Variants in TSHZ2 observed in about 807,000 individuals in gnomAD.
TSHZ2 encodes the protein teashirt zinc finger homeobox 2.
TSHZ2 carries 21 observed loss-of-function variants against 74.4 expected under a neutral mutation model. The observed-to-expected ratio is 0.28, with a 90% CI of 0.20 to 0.41. The LOEUF (loss-of-function observed/expected upper bound fraction) is 0.41. TSHZ2 is among the 10% of genes least tolerant of loss of function. The pLI is 1.00. For synonymous variants in TSHZ2, 540 were observed against 515.3 expected, an observed-to-expected ratio of 1.05 and a Z score of -0.65; for missense variants, 1,244 against 1,293.5, an observed-to-expected ratio of 0.96 and a Z score of 0.59.
chr20:53,204,555 C>T (rs2123589478), intron 1 of TSHZ2, among the ~76,000 whole-genome samples: 1 of 152,102 alleles, frequency 6.6e-6, no homozygotes, highest in Admixed American at 6.5e-5. Flanking sequence ...CCATGCATAG[C>T]TGACATTCTA....
At chr20:53,176,799 A>G (rs559999088) in intron 1 of TSHZ2, among the ~76,000 whole-genome samples, 3 of 149,130 alleles carry the variant, frequency 2.0e-5, no homozygotes, top group Non-Finnish European at 4.4e-5. Context: ...CGATCCTCCT[A>G]CCTCAGCCTC....
At chr20:53,473,837 G>T (rs1193031615) in intron 2 of TSHZ2, among the ~76,000 whole-genome samples, 1 of 152,192 alleles carries the variant, frequency 6.6e-6, no homozygotes, top group Non-Finnish European at 1.5e-5. Flanking sequence ...TGAAAACCAA[G>T]GCTGGAGAAC....
chr20:53,192,482 T>C (rs904597045), intron 1 of TSHZ2, among the ~76,000 whole-genome samples: 4 of 150,654 alleles, frequency 2.7e-5, no homozygotes, highest in Non-Finnish European at 5.9e-5. Context: ...GACTCCCTTG[T>C]GGGCATTTGG....
intron 1 of TSHZ2, among the ~76,000 whole-genome samples, chr20:53,228,358 A>C (rs1600754286): frequency 6.6e-6 from 1 of 152,194 alleles, no homozygotes; most frequent in East Asian, 1.9e-4. Context: ...TAGAGCTCAC[A>C]GTTATTCCTG....
At position 53,255,331 on chromosome 20, in the gene TSHZ2, T is replaced by C. The variant is rs1383813740; in HGVS notation, c.1873T>C (p.Ser625Pro). The C allele has an allele frequency of 3.7e-6, 6 of 1,613,872 alleles. No homozygotes were observed. The highest frequency in any genetic ancestry group is 5.1e-6 in the Non-Finnish European group (6 of 1,179,944). Residue 625 changes from serine to proline, a missense_variant, in exon 2 of 3, where the codon TCT becomes CCT. Ser to Pro is a moderately conservative substitution (Grantham distance 74). Around this residue, in one of 6 missense-constraint regions of TSHZ2, gnomAD observed 562 missense variants for 544.0 expected, o/e 1.03. Transcript: ENST00000371497. The surrounding 1 kb of genome is among the most constrained non-coding windows in gnomAD (Gnocchi z 4.1). ...GKESPHEEAS[S>P]FSHSEGDSFR... is the part of the protein sequence containing the mutation. ...AGAAAGTCCCCACGAAGAGGCCTCATCTTTCAGCCACAGTGAGGGCGATTC... is the reference window on the plus strand; with the variant it reads ...AGAAAGTCCCCACGAAGAGGCCTCACCTTTCAGCCACAGTGAGGGCGATTC...
chr20:52,991,337 A>G (rs1981983035), intron 1 of TSHZ2, among the ~76,000 whole-genome samples: 1 of 138,786 alleles, frequency 7.2e-6, no homozygotes, highest in East Asian at 2.2e-4. Context: ...GGGGGGAGAG[A>G]GTGTGAAAGC....
chr20:53,232,612 A>G (rs1989852188), intron 1 of TSHZ2, among the ~76,000 whole-genome samples: 1 of 152,240 alleles, frequency 6.6e-6, no homozygotes, highest in African/African-American at 2.4e-5. Context: ...CTTCATAATC[A>G]TAATAATCAT....
chr20:53,462,305 T>C (rs1474810097), intron 2 of TSHZ2, among the ~76,000 whole-genome samples: 1 of 152,100 alleles, frequency 6.6e-6, no homozygotes, highest in Non-Finnish European at 1.5e-5. Context: ...CCAGTCAGAT[T>C]GGATTAGGGC....
At chr20:53,403,117 C>T (rs550863516) in intron 2 of TSHZ2, among the ~76,000 whole-genome samples, 41 of 152,272 alleles carry the variant, frequency 2.7e-4, no homozygotes, top group Admixed American at 5.2e-4. Context: ...ACCGTACATG[C>T]TCAGTGTTTA....
chr20:53,051,076 C>A (rs1478111715), intron 1 of TSHZ2, among the ~76,000 whole-genome samples: 2 of 152,194 alleles, frequency 1.3e-5, no homozygotes, highest in Non-Finnish European at 2.9e-5. Context: ...TGGTGGCTGA[C>A]TCCTGTAATC....
At chr20:53,263,097 C>T (rs1990634850) in intron 2 of TSHZ2, among the ~76,000 whole-genome samples, 2 of 152,118 alleles carry the variant, frequency 1.3e-5, no homozygotes, top group Admixed American at 1.3e-4. Context: ...TATATTTAGG[C>T]ACAGAAGGTG....
intron 1 of TSHZ2, among the ~76,000 whole-genome samples, chr20:53,171,663 A>G (rs1988205004): frequency 1.3e-5 from 2 of 152,052 alleles, no homozygotes; most frequent in Admixed American, 6.6e-5. Context: ...ATTCTGAGCT[A>G]TATGCAGGAG....
intron 2 of TSHZ2, among the ~76,000 whole-genome samples, chr20:53,426,769 A>G (rs890965711): frequency 2.0e-5 from 3 of 152,232 alleles, no homozygotes; most frequent in Non-Finnish European, 4.4e-5. Flanking sequence ...AAGGAAAAAT[A>G]AAAGGAAGGT....
intron 1 of TSHZ2, among the ~76,000 whole-genome samples, chr20:53,158,203 C>T (rs1031423011): frequency 5.3e-5 from 8 of 152,150 alleles, no homozygotes; most frequent in East Asian, 1.9e-4. Flanking sequence ...TGTCTGGAGC[C>T]GAATGAGGAA....
At chr20:53,140,535 G>C (rs1175027233) in intron 1 of TSHZ2, among the ~76,000 whole-genome samples, 1 of 93,632 alleles carries the variant, frequency 1.1e-5, no homozygotes, top group Non-Finnish European at 1.9e-5. Context: ...GCAAGACTCC[G>C]TCTCAAAAAA....
chr20:53,076,754 C>T (rs1985375536), intron 1 of TSHZ2, among the ~76,000 whole-genome samples: 1 of 152,138 alleles, frequency 6.6e-6, no homozygotes, highest in Non-Finnish European at 1.5e-5. Context: ...GTTGCACATT[C>T]AATGAACTTA....
chr20:53,319,474 C>T (rs775932992), intron 2 of TSHZ2, among the ~76,000 whole-genome samples: 5 of 152,198 alleles, frequency 3.3e-5, no homozygotes, highest in Non-Finnish European at 4.4e-5. Context: ...AGAGTCTGGC[C>T]GTTAACCACT....
chr20:53,279,422 A>T (rs988302117), intron 2 of TSHZ2, among the ~76,000 whole-genome samples: 3 of 152,238 alleles, frequency 2.0e-5, no homozygotes, highest in Non-Finnish European at 4.4e-5. Flanking sequence ...CTGATTTTTC[A>T]ACCATTTAAA....
At chr20:53,469,548 A>AGGAGG (rs1183121689) in intron 2 of TSHZ2, among the ~76,000 whole-genome samples, 2 of 125,292 alleles carry the variant, frequency 1.6e-5, no homozygotes, top group South Asian at 2.8e-4. Flanking sequence ...AAGAAAAGAA[A>AGGAGG]GAAGGAGGGA....
Sources: allele counts gnomAD v4.1 joint callset (sites outside exome capture counted in the v4.1 genomes callset), GRCh38; gene constraint gnomAD v4.1.1; regional missense constraint gnomAD v4.1.1; non-coding constraint Gnocchi (gnomAD v3.1); transcripts MANE v1.5; gene names NCBI Gene and HGNC (gene_info 2026-07-23, HGNC 2026-07-21).